TLE3: variants seen among roughly 807,000 people sequenced by gnomAD.
TLE3 encodes the protein transducin-like enhancer protein 3.
In TLE3, 14 loss-of-function variants were observed where a neutral mutation model predicts 93.0. The observed-to-expected ratio is 0.15, with a 90% CI of 0.10 to 0.24. TLE3 has a LOEUF of 0.24. TLE3 is among the 10% of genes least tolerant of loss of function. The probability of loss-of-function intolerance (pLI) is 1.00; values close to 1 mark genes in which losing one functional copy is unlikely to be tolerated. For missense variants in TLE3, 693 were observed against 1,046.6 expected, an observed-to-expected ratio of 0.66 and a Z score of 4.66; for synonymous variants, 451 against 425.0, an observed-to-expected ratio of 1.06 and a Z score of -0.75.
At chr15:70,072,037 G>A (rs1416357780) in intron 6 of TLE3, among the ~76,000 whole-genome samples, 1 of 152,234 alleles carries the variant, frequency 6.6e-6, no homozygotes, top group Non-Finnish European at 1.5e-5. Flanking sequence ...CCTGCCTTGT[G>A]AGGCTCTGTC....
chr15:70,083,707 C>T (rs1263442251), intron 4 of TLE3, among the ~76,000 whole-genome samples: 1 of 151,908 alleles, frequency 6.6e-6, no homozygotes, highest in Non-Finnish European at 1.5e-5. Flanking sequence ...CCCCTTGCCC[C>T]TCAACAGGCT....
intron 2 of TLE3, chr15:70,095,916 T>G: frequency 1.6e-6 from 1 of 630,804 alleles, no homozygotes; most frequent in Non-Finnish European, 2.7e-6. Context: ...GAACCCGGAG[T>G]GAACCCGCTC....
intron 18 of TLE3, 60 bp from the exon 19 acceptor site, chr15:70,051,527 C>A: frequency 6.9e-7 from 1 of 1,458,038 alleles, no homozygotes; most frequent in Non-Finnish European, 9.4e-7. Flanking sequence ...AAAGCAAGAC[C>A]TGCCCTAGAC....
rs778733495 is a variant in TLE3, at chr15:70,057,605, C to T, written c.1105G>A (p.Ala369Thr). The T allele has an allele frequency of 4.4e-6, 7 of 1,592,544 alleles. No homozygotes were observed. The highest frequency in any genetic ancestry group is 2.3e-5 in the East Asian group (1 of 44,040). ...SITSSYAAPF[A>T]MMSHHEMNGS... ...TTCATCTCATGGTGGCTCATCATGG[C>T]GAAGGGCGCCGCATAGGAGCTGGTG... The change falls in exon 13 of 20, where the codon GCC becomes ACC. Residue 369 changes from alanine to threonine, a missense_variant. Around this residue, in one of 4 missense-constraint regions of TLE3, gnomAD observed 405 missense variants for 468.9 expected, o/e 0.86. Transcript: ENST00000451782.
At chr15:70,066,998 G>A in intron 6 of TLE3, 1 of 236,818 alleles carries the variant, frequency 4.2e-6, no homozygotes, top group Non-Finnish European at 9.3e-6. Flanking sequence ...GTTTGCAGCA[G>A]CTCATGGCGC....
intron 7 of TLE3, among the ~76,000 whole-genome samples, chr15:70,064,806 T>TTAC (rs1343580099): frequency 6.6e-6 from 1 of 151,892 alleles, no homozygotes; most frequent in East Asian, 1.9e-4. Flanking sequence ...GGCACCAAGT[T>TTAC]TACTCTTTAG....
rs1472248693 is a variant in TLE3, at chr15:70,048,372, CCA to C, written c.*1723_*1724del. 6.6e-6 allele frequency: 1 copy of C among 152,156 alleles called. No individual in the cohort carries two copies. Among genetic ancestry groups the C allele is most frequent in the Non-Finnish European group, 1.5e-5 (1 of 68,046 alleles). The allele number at this position is 152,156 out of a possible 1,614,324, so 9.4% of individuals were successfully genotyped here. A position where few individuals can be genotyped will look rare whatever the true frequency, so the allele number is the denominator to read the frequency against. On this transcript the variant is annotated 3_prime_UTR_variant, in exon 20 of 20. Coordinates refer to ENST00000451782, the MANE Select transcript of TLE3 (RefSeq NM_001105192.3). ...GAGACCCAGAGAGACTCTGGACGCC[CCA>C]CGCGCCCAGCCTTGGAGAGGCACAG...
In TLE3 at chr15:70,097,779, AAC is replaced by A. The variant is rs377109080; in HGVS notation, c.-983_-982del. 2.6e-4 allele frequency: 99 copies of A among 379,150 alleles called. No individual in the cohort carries two copies. Among genetic ancestry groups the A allele is most frequent in the South Asian group, 5.7e-4 (4 of 7,032 alleles). The allele number at this position is 379,150 out of a possible 1,614,324, so 23.5% of individuals were successfully genotyped here. On this transcript the variant is annotated 5_prime_UTR_variant, in exon 1 of 20. Transcript: ENST00000451782. The stretch of plus-strand genomic sequence containing the variant: ...GCAAACCCCCAAAACACACACACCC[AAC>A]ACACACACACGCGCGCACGCACACA...
chr15:70,054,768 C>A, intron 15 of TLE3, 83 bp from the exon 16 acceptor site: 3 of 1,456,620 alleles, frequency 2.1e-6, no homozygotes, highest in African/African-American at 1.4e-5. Flanking sequence ...ACACCGAGCA[C>A]CCTCACCAGT....
At chr15:70,080,203 A>G (rs796302240) in intron 4 of TLE3, among the ~76,000 whole-genome samples, 21 of 152,320 alleles carry the variant, frequency 1.4e-4, no homozygotes, top group African/African-American at 4.3e-4. Flanking sequence ...TGTAGTTTCC[A>G]GAGGCCGACC....
Position 70,064,439 on chromosome 15 carries a change from AG to A in TLE3, c.594+14del. 1 of 1,613,654 alleles carries A rather than the reference AG, an allele frequency of 6.2e-7. No individual in the cohort carries two copies. The highest frequency in any genetic ancestry group is 8.5e-7 in the Non-Finnish European group (1 of 1,179,668). On this transcript the variant is annotated intron_variant, in intron 8 of 19. Coordinates refer to ENST00000451782, the MANE Select transcript of TLE3 (RefSeq NM_001105192.3). ...ACCCAAACACCCCTCCGGGTTCCAG[AG>A]TGCCAACACTTACCGCACTGGATTC... is the stretch of plus-strand genomic sequence containing the variant.
At chr15:70,091,435 G>T (rs995766235) in intron 4 of TLE3, among the ~76,000 whole-genome samples, 8 of 152,212 alleles carry the variant, frequency 5.3e-5, no homozygotes, top group African/African-American at 1.9e-4. Context: ...GCACAAACAA[G>T]ATGGCAAGTG....
At chr15:70,096,535 CG>C in intron 1 of TLE3, 2 of 1,349,124 alleles carry the variant, frequency 1.5e-6, no homozygotes, top group Non-Finnish European at 2.0e-6. Flanking sequence ...GACTTCAGAG[CG>C]GGGCCGGGGA....
chr15:70,090,866 G>T (rs528087749), intron 4 of TLE3, among the ~76,000 whole-genome samples: 2 of 152,316 alleles, frequency 1.3e-5, no homozygotes, highest in African/African-American at 4.8e-5. Context: ...TATACAACCC[G>T]AAATGGGGCA....
intron 4 of TLE3, among the ~76,000 whole-genome samples, chr15:70,083,332 A>G (rs1324183575): frequency 1.3e-5 from 2 of 152,120 alleles, no homozygotes; most frequent in African/African-American, 4.8e-5. Context: ...AGATCCAATA[A>G]TCTTTAAATA....
intron 3 of TLE3, among the ~76,000 whole-genome samples, chr15:70,095,224 C>T (rs2058494463): frequency 6.6e-6 from 1 of 152,214 alleles, no homozygotes; most frequent in Non-Finnish European, 1.5e-5. Flanking sequence ...TTTTACCAAC[C>T]CTAATTTCAC....
intron 6 of TLE3, among the ~76,000 whole-genome samples, chr15:70,070,571 G>A (rs7168144): frequency 6.6e-6 from 1 of 152,282 alleles, no homozygotes; most frequent in Non-Finnish European, 1.5e-5. Flanking sequence ...CACTCAGTGG[G>A]CACCATAGCT....
chr15:70,048,172 G>C lies in TLE3; in HGVS notation c.*1925C>G, dbSNP rs3743309. 2 of 149,806 alleles carry C rather than the reference G, an allele frequency of 1.3e-5. No individual in the cohort carries two copies. Among genetic ancestry groups the C allele is most frequent in the Non-Finnish European group, 2.9e-5 (2 of 67,804 alleles). 9.3% of individuals were successfully genotyped at this position (149,806 alleles called of 1,614,324 possible). A position where few individuals can be genotyped will look rare whatever the true frequency, so the allele number is the denominator to read the frequency against. ...CGGGGGGCGGGACTGGCAAACTGGG[G>C]GGAGAGGCAATTAAGACGCAACAAT... On this transcript the variant is annotated 3_prime_UTR_variant, in exon 20 of 20. Coordinates refer to ENST00000451782, the MANE Select transcript of TLE3 (RefSeq NM_001105192.3).
rs369407144 is a variant in TLE3 at position 70,060,997 on chromosome 15, C to T, written c.595-348G>A. 1.6e-4 allele frequency among the ~76,000 whole-genome samples: 24 copies of T among 152,328 alleles called. No homozygotes were observed. The South Asian group carries it at 2.7e-3, about 17-fold the overall frequency. Reference sequence around the variant, plus strand: ...CCTGGGTCTCATTCACCACCCATCTCGCGCTTGCCACACTCATTTGCTCAA... The same window carrying T: ...CCTGGGTCTCATTCACCACCCATCTTGCGCTTGCCACACTCATTTGCTCAA... On this transcript the variant is annotated intron_variant, in intron 8 of 19. Coordinates refer to ENST00000451782, the MANE Select transcript of TLE3 (RefSeq NM_001105192.3).
Sources: gnomAD v4.1 joint callset for allele counts (sites outside exome capture counted in the v4.1 genomes callset) on GRCh38, gnomAD v4.1.1 for gene constraint, gnomAD v4.1.1 regional missense constraint, MANE v1.5 for transcripts, NCBI Gene and HGNC (gene_info 2026-07-23, HGNC 2026-07-21) for gene names.